The following XYLT1 variants were observed in gnomAD, a reference collection of about 807,000 sequenced individuals.
XYLT1 encodes beta-D-xylosyltransferase 1.
Under a neutral mutation model 91.3 loss-of-function variants are expected in XYLT1, and 36 were observed. That is an observed-to-expected ratio of 0.39 (90% confidence interval 0.30 to 0.52). The LOEUF is 0.52. Among genes scored for constraint, XYLT1 ranks in the 20% least tolerant of loss-of-function variants. XYLT1 has a pLI of 0.68. For missense variants in XYLT1, 1,242 were observed against 1,284.5 expected, an observed-to-expected ratio of 0.97 and a Z score of 0.51; for synonymous variants, 588 against 532.0, an observed-to-expected ratio of 1.11 and a Z score of -1.45.
intron 2 of XYLT1, among the ~76,000 whole-genome samples, chr16:17,287,194 G>A (rs776990624): frequency 6.6e-6 from 1 of 152,004 alleles, no homozygotes; most frequent in Non-Finnish European, 1.5e-5. Flanking sequence ...GGCCTGGCGT[G>A]GATCTAGTTT....
At chr16:17,260,144 G>T (rs1165021027) in intron 2 of XYLT1, among the ~76,000 whole-genome samples, 1 of 151,700 alleles carries the variant, frequency 6.6e-6, no homozygotes, top group Non-Finnish European at 1.5e-5. Context: ...GGCTCTTCAT[G>T]TGTGTACATG....
intron 2 of XYLT1, among the ~76,000 whole-genome samples, chr16:17,330,803 A>AG (rs1181658952): frequency 2.0e-5 from 3 of 151,796 alleles, no homozygotes; most frequent in African/African-American, 4.8e-5. Flanking sequence ...CGGAAAAAAA[A>AG]AAAAGAAAAG....
At chr16:17,296,592 A>G (rs2034314227) in intron 2 of XYLT1, among the ~76,000 whole-genome samples, 1 of 152,224 alleles carries the variant, frequency 6.6e-6, no homozygotes, top group African/African-American at 2.4e-5. Context: ...TGAATCTGAC[A>G]TCAATGCCAG....
chr16:17,179,755 T>C (rs2032025475), intron 5 of XYLT1, among the ~76,000 whole-genome samples: 1 of 152,248 alleles, frequency 6.6e-6, no homozygotes, highest in Admixed American at 6.5e-5. Flanking sequence ...AAATCAACTT[T>C]CATTTTATTT....
chr16:17,459,047 G>C (rs1378248434), intron 1 of XYLT1, among the ~76,000 whole-genome samples: 1 of 152,004 alleles, frequency 6.6e-6, no homozygotes, highest in African/African-American at 2.4e-5. Flanking sequence ...GGTTTTGTTG[G>C]GAAAAAAGCA....
chr16:17,149,252 A>G (rs2031222481), intron 6 of XYLT1, among the ~76,000 whole-genome samples: 1 of 152,252 alleles, frequency 6.6e-6, no homozygotes, highest in Non-Finnish European at 1.5e-5. Flanking sequence ...ATATTCATCA[A>G]GTATGGAATT....
chr16:17,112,593 C>T (rs533850267), intron 11 of XYLT1, among the ~76,000 whole-genome samples: 1 of 152,284 alleles, frequency 6.6e-6, no homozygotes. Flanking sequence ...CTCCCCTCTC[C>T]TCCATGTCTG....
At chr16:17,219,418 G>T (rs374474838) in intron 3 of XYLT1, among the ~76,000 whole-genome samples, 2 of 152,002 alleles carry the variant, frequency 1.3e-5, no homozygotes, top group African/African-American at 4.8e-5. Context: ...AATGTGAAAT[G>T]AATGAACGCT....
intron 2 of XYLT1, among the ~76,000 whole-genome samples, chr16:17,328,427 C>T (rs1451436991): frequency 6.6e-6 from 1 of 151,520 alleles, no homozygotes; most frequent in African/African-American, 2.4e-5. Context: ...CGCACATCTG[C>T]AATCCCAGAT....
intron 1 of XYLT1, among the ~76,000 whole-genome samples, chr16:17,389,125 C>T (rs575937634): frequency 2.0e-5 from 3 of 152,346 alleles, no homozygotes; most frequent in Admixed American, 6.5e-5. Context: ...TTCCTTTAAC[C>T]TTTGTTCTTT....
chr16:17,229,727 C>A (rs11646101), intron 3 of XYLT1, among the ~76,000 whole-genome samples: 33,737 of 152,058 alleles, frequency 0.22, 4,524 homozygotes, highest in East Asian at 0.5. Flanking sequence ...GGGCATTATC[C>A]CAATTTTAAA....
At chr16:17,396,300 T>C (rs1364750420) in intron 1 of XYLT1, among the ~76,000 whole-genome samples, 2 of 152,204 alleles carry the variant, frequency 1.3e-5, no homozygotes, top group Admixed American at 6.5e-5. Context: ...GGGTGAGCCA[T>C]AGAAGCAAAG....
intron 1 of XYLT1, among the ~76,000 whole-genome samples, chr16:17,384,428 A>C (rs994726317): frequency 3.3e-5 from 5 of 151,466 alleles, no homozygotes; most frequent in African/African-American, 1.2e-4. Context: ...GCTGAATCTG[A>C]CTCTTATATA....
In XYLT1 at chr16:17,200,906, G is replaced by A. The variant is rs544577642; in HGVS notation, c.914-252C>T. On this transcript the variant is annotated intron_variant, in intron 3 of 11. Transcript: ENST00000261381. Reference sequence around the variant, plus strand: ...TGAGGAGCTTAAAAATGCTGGAAGAGACACATGGACACATATTAAGCTACT... The same window carrying A: ...TGAGGAGCTTAAAAATGCTGGAAGAAACACATGGACACATATTAAGCTACT... Among the ~76,000 whole-genome samples the A allele has an allele frequency of 2.6e-5, 4 of 152,344 alleles. No homozygotes were observed. The East Asian group carries it at 7.7e-4, about 29-fold the overall frequency.
At chr16:17,195,508 C>T (rs568945867) in intron 5 of XYLT1, among the ~76,000 whole-genome samples, 7 of 151,818 alleles carry the variant, frequency 4.6e-5, no homozygotes, top group Non-Finnish European at 7.4e-5. Context: ...TACAGTGGCG[C>T]GATATCGGCT....
intron 5 of XYLT1, 96 bp downstream of exon 5, chr16:17,198,116 T>C (rs2032466318): frequency 5.5e-6 from 7 of 1,277,498 alleles, no homozygotes; most frequent in Non-Finnish European, 7.8e-6. Flanking sequence ...CTGTGGAGAC[T>C]ATGCATCAGT....
At chr16:17,223,187 T>A (rs987379487) in intron 3 of XYLT1, among the ~76,000 whole-genome samples, 1 of 152,230 alleles carries the variant, frequency 6.6e-6, no homozygotes. Context: ...GTGCCCCGTA[T>A]CCCTGTCAGA....
At chr16:17,321,856 C>T (rs535742644) in intron 2 of XYLT1, among the ~76,000 whole-genome samples, 201 of 152,182 alleles carry the variant, frequency 1.3e-3, no homozygotes, top group African/African-American at 4.6e-3. Context: ...TTATCCAGCC[C>T]CAAATGGTAT....
intron 10 of XYLT1, among the ~76,000 whole-genome samples, chr16:17,122,839 G>A (rs1252351092): frequency 6.6e-6 from 1 of 152,144 alleles, no homozygotes; most frequent in African/African-American, 2.4e-5. Context: ...TGTTGAATAG[G>A]GTGTTCTTTT....
Sources: allele counts gnomAD v4.1 joint callset (sites outside exome capture counted in the v4.1 genomes callset), GRCh38; gene constraint gnomAD v4.1.1; transcripts MANE v1.5; gene names NCBI Gene and HGNC (gene_info 2026-07-23, HGNC 2026-07-21).